The following RAB40C variants were observed in gnomAD, a reference collection of about 807,000 sequenced individuals.
RAB40C encodes the protein ras-related protein Rab-40C.
A neutral mutation model predicts 28.1 loss-of-function variants in RAB40C; 8 were observed. The ratio of observed to expected loss-of-function variants is 0.28; its 90% confidence interval spans 0.17 to 0.51. RAB40C has a LOEUF of 0.51. RAB40C is among the 20% of genes least tolerant of loss of function. The pLI, the probability that RAB40C is intolerant of heterozygous loss-of-function variation, is 0.97. For synonymous variants in RAB40C, 201 were observed against 171.7 expected (o/e 1.17, Z -1.34); for missense variants, 288 against 405.9 (o/e 0.71, Z 2.50).
intron 3 of RAB40C, among the ~76,000 whole-genome samples, chr16:621,411 C>T (rs972943647): frequency 1.3e-5 from 2 of 152,002 alleles, no homozygotes; most frequent in African/African-American, 4.8e-5. Context: ...CTGCCTCCCT[C>T]CGTTAGAGAG....
Position 625,900 on chromosome 16 carries a change from A to G in RAB40C, c.344A>G (p.His115Arg). The G allele has an allele frequency of 6.2e-7, 1 of 1,611,590 alleles. No individual in the cohort carries two copies. Among genetic ancestry groups the G allele is most frequent in the Non-Finnish European group, 8.5e-7 (1 of 1,179,116 alleles). ...IDRWIKEIDE[H>R]APGVPRILVG... ...GTCTGCTGAGTTCTGTGCCCCCAGC[A>G]TGCACCCGGAGTCCCCCGGATCTTG... Residue 115 changes from histidine (H) to arginine (R), a missense_variant and splice_region_variant, in exon 5 of 6, where the codon CAT (histidine) becomes CGT (arginine). His to Arg is a conservative substitution (Grantham distance 29). Around this residue, in one of 3 missense-constraint regions of RAB40C, gnomAD observed 153 missense variants for 262.4 expected, o/e 0.58. Coordinates refer to ENST00000248139, the MANE Select transcript of RAB40C (RefSeq NM_021168.5).
chr16:601,168 G>A (rs976913342), intron 1 of RAB40C, among the ~76,000 whole-genome samples: 3 of 152,192 alleles, frequency 2.0e-5, no homozygotes, highest in Non-Finnish European at 2.9e-5. Context: ...CCACGTGTGT[G>A]TGGAGCTGGT....
At position 613,168 on chromosome 16, in the gene RAB40C, A is replaced by G. The variant is rs189949121; in HGVS notation, c.143-4040A>G. Among the ~76,000 whole-genome samples, 79 of 143,644 alleles carry G rather than the reference A, an allele frequency of 5.5e-4. 1 individual carries two copies. Among genetic ancestry groups the G allele is most frequent in the African/African-American group, 2.0e-3 (75 of 38,000 alleles). The allele number at this position is 143,644 out of a possible 152,430, so 94.2% of individuals were successfully genotyped here. A position where few individuals can be genotyped will look rare whatever the true frequency, so the allele number is the denominator to read the frequency against. Reference sequence around the variant, plus strand: ...AGGGACAGCCGCCCTGGCCTGTAGAATCAAGAGCAGGGACAGCCGCCCTCA... The same window carrying G: ...AGGGACAGCCGCCCTGGCCTGTAGAGTCAAGAGCAGGGACAGCCGCCCTCA... On this transcript the variant is annotated intron_variant, in intron 1 of 5. Coordinates refer to ENST00000248139, the MANE Select transcript of RAB40C (RefSeq NM_021168.5).
Position 621,257 on chromosome 16 carries a change from GTC to G in RAB40C, c.264+3002_264+3003del, listed in dbSNP as rs528658751. Among the ~76,000 whole-genome samples the G allele has an allele frequency of 1.1e-3, 174 of 152,330 alleles. 2 individuals carry two copies. Among genetic ancestry groups the G allele is most frequent in the African/African-American group, 3.6e-3 (151 of 41,568 alleles). ...CCCCGGGAGCCCAGCCCTGTCCTGT[GTC>G]TCTCCTGCCTGGTGAGCAGCGGTGA... On this transcript the variant is annotated intron_variant, in intron 3 of 5. Coordinates refer to ENST00000248139, the MANE Select transcript of RAB40C (RefSeq NM_021168.5).
chr16:589,818 G>A (rs1372828865), upstream of RAB40C: 1 of 152,364 alleles, frequency 6.6e-6, no homozygotes, highest in Non-Finnish European at 1.5e-5. Flanking sequence ...TGTGGGAAAG[G>A]CGGGGGAGGG....
chr16:590,534 C>A, intron 1 of RAB40C, 101 bp downstream of exon 1: 1 of 1,342,024 alleles, frequency 7.5e-7, no homozygotes, highest in South Asian at 1.7e-5. Context: ...CGCCGCCGAA[C>A]GTTCCCAGGA....
chr16:615,401 A>C (rs573094244), intron 1 of RAB40C, among the ~76,000 whole-genome samples: 3 of 152,022 alleles, frequency 2.0e-5, no homozygotes, highest in Non-Finnish European at 4.4e-5. Context: ...GGGCAGGTGC[A>C]CTCCGTGGGA....
intron 1 of RAB40C, among the ~76,000 whole-genome samples, chr16:613,110 G>A (rs1392890137): frequency 7.5e-6 from 1 of 133,044 alleles, no homozygotes; most frequent in African/African-American, 2.9e-5. Context: ...TCAAGAGCAA[G>A]GGACAGCCGC....
intron 1 of RAB40C, among the ~76,000 whole-genome samples, chr16:603,862 C>G (rs1043936463): frequency 6.6e-6 from 1 of 152,262 alleles, no homozygotes; most frequent in African/African-American, 2.4e-5. Context: ...ACCCTGGTTT[C>G]TTTTGCTCAG....
intron 3 of RAB40C, among the ~76,000 whole-genome samples, chr16:620,447 C>T (rs996748867): frequency 2.0e-5 from 3 of 152,178 alleles, no homozygotes; most frequent in Non-Finnish European, 2.9e-5. Flanking sequence ...GCCTTCTTGT[C>T]TTCCTTTTGC....
At chr16:624,517 G>A in intron 3 of RAB40C, 1 of 985,434 alleles carries the variant, frequency 1.0e-6, no homozygotes, top group Non-Finnish European at 1.2e-6. Flanking sequence ...CAGGACCTGG[G>A]GCTACACTTC....
intron 1 of RAB40C, among the ~76,000 whole-genome samples, chr16:598,713 C>T (rs1238301957): frequency 6.6e-6 from 1 of 152,018 alleles, no homozygotes. Flanking sequence ...TACGTTCCAG[C>T]CTGGGTGACA....
intron 1 of RAB40C, among the ~76,000 whole-genome samples, chr16:592,298 A>G (rs576062914): frequency 6.6e-6 from 1 of 152,182 alleles, no homozygotes; most frequent in East Asian, 1.9e-4. Flanking sequence ...CACTCTCTCA[A>G]CTCGGGGGTT....
At chr16:625,117 G>A (rs1335152567) in intron 3 of RAB40C, 11 of 1,332,192 alleles carry the variant, frequency 8.3e-6, no homozygotes, top group Middle Eastern at 2.0e-4. Context: ...CACGTCCCCC[G>A]GCTGCCAGAA....
chr16:619,503 A>C (rs942499558), intron 3 of RAB40C, among the ~76,000 whole-genome samples: 1 of 152,340 alleles, frequency 6.6e-6, no homozygotes, highest in East Asian at 1.9e-4. Context: ...GAAGGAGGGC[A>C]AGGACGTGAA....
chr16:613,714 T>C (rs1567190420), intron 1 of RAB40C, among the ~76,000 whole-genome samples: 2 of 152,182 alleles, frequency 1.3e-5, no homozygotes, highest in Admixed American at 6.5e-5. Context: ...GGATAGTTTG[T>C]CTTTAGTCCT....
rs570878341 is a variant in RAB40C at position 622,609 on chromosome 16, G to A, written c.265-2823G>A. ...TGCAACCTCCGCCTCCCGGGTTCAC[G>A]CCATTCTCCTGCCTCAGGCTCCCGA... On this transcript the variant is annotated intron_variant, in intron 3 of 5. Transcript: ENST00000248139. 6.0e-4 allele frequency among the ~76,000 whole-genome samples: 92 copies of A among 152,312 alleles called. No individual in the cohort carries two copies. The South Asian group carries it at 0.017, about 29-fold the overall frequency.
At chr16:607,138 C>A (rs1407305765) in intron 1 of RAB40C, among the ~76,000 whole-genome samples, 1 of 152,218 alleles carries the variant, frequency 6.6e-6, no homozygotes, top group Non-Finnish European at 1.5e-5. Flanking sequence ...GGCAGATTGG[C>A]CTCCATGGGC....
chr16:625,382 C>G, intron 3 of RAB40C, 50 bp from the exon 4 acceptor site: 1 of 1,594,800 alleles, frequency 6.3e-7, no homozygotes, highest in South Asian at 1.1e-5. Context: ...TGGGCCTGGG[C>G]TGGCCATGCG....
Sources: gnomAD v4.1 joint callset for allele counts (sites outside exome capture counted in the v4.1 genomes callset) on GRCh38, gnomAD v4.1.1 for gene constraint, gnomAD v4.1.1 regional missense constraint, MANE v1.5 for transcripts, NCBI Gene and HGNC (gene_info 2026-07-23, HGNC 2026-07-21) for gene names.